The following ITFG1 variants were observed in gnomAD, a reference collection of about 807,000 sequenced individuals.
The protein encoded by ITFG1 is T-cell immunomodulatory protein.
Under a neutral mutation model 81.8 loss-of-function variants are expected in ITFG1, and 34 were observed. The ratio of observed to expected loss-of-function variants is 0.42; its 90% CI spans 0.32 to 0.55. The LOEUF (loss-of-function observed/expected upper bound fraction) is 0.55, where lower values mean the gene tolerates loss of function less well. ITFG1 is among the 20% of genes least tolerant of loss of function. ITFG1 has a pLI of 0.17. For synonymous variants in ITFG1, 285 were observed against 270.6 expected, an observed-to-expected ratio of 1.05 and a Z score of -0.52; for missense variants, 672 against 755.4, an observed-to-expected ratio of 0.89 and a Z score of 1.29.
intron 12 of ITFG1, among the ~76,000 whole-genome samples, chr16:47,252,090 A>AT (rs1966083300): frequency 6.6e-6 from 1 of 152,222 alleles, no homozygotes; most frequent in Non-Finnish European, 1.5e-5. Flanking sequence ...CCTAAGTACA[A>AT]TTTTTCTGAA....
At chr16:47,385,202 A>C (rs1596948495) in intron 6 of ITFG1, among the ~76,000 whole-genome samples, 1 of 152,344 alleles carries the variant, frequency 6.6e-6, no homozygotes, top group Middle Eastern at 3.4e-3. Context: ...AATAAGTTAA[A>C]ATCAAATAAT....
chr16:47,368,237 T>TAAC (rs1968203023), intron 7 of ITFG1, among the ~76,000 whole-genome samples: 1 of 78,008 alleles, frequency 1.3e-5, no homozygotes, highest in Non-Finnish European at 2.7e-5. Flanking sequence ...CCGTCTCAAT[T>TAAC]AAAAAAAAAA....
At chr16:47,280,787 AG>A (rs1386760346) in intron 10 of ITFG1, among the ~76,000 whole-genome samples, 2 of 152,148 alleles carry the variant, frequency 1.3e-5, no homozygotes, top group Admixed American at 6.6e-5. Context: ...GAGCAGCTTG[AG>A]TCCAACGACC....
At chr16:47,294,622 G>A (rs920994672) in intron 10 of ITFG1, among the ~76,000 whole-genome samples, 7 of 151,928 alleles carry the variant, frequency 4.6e-5, no homozygotes, top group African/African-American at 1.7e-4. Context: ...TTTGTAGTCA[G>A]TGTAAATGAA....
chr16:47,254,741 T>A (rs1013210948), intron 12 of ITFG1, among the ~76,000 whole-genome samples: 1 of 152,238 alleles, frequency 6.6e-6, no homozygotes, highest in Non-Finnish European at 1.5e-5. Context: ...TAGTACTTAA[T>A]GCGTAACATC....
At chr16:47,389,309 TTTC>T (rs1376279636) in intron 6 of ITFG1, among the ~76,000 whole-genome samples, 1 of 152,186 alleles carries the variant, frequency 6.6e-6, no homozygotes, top group Non-Finnish European at 1.5e-5. Context: ...TTCCTTCTCC[TTTC>T]TTAACTGATT....
At position 47,376,964 on chromosome 16, in the gene ITFG1, C is replaced by CAAAAAAAAAAAAAAAAAAAAAAA. The variant is rs1222007051; in HGVS notation, c.656-1047_656-1025dup. On this transcript the variant is annotated intron_variant, in intron 6 of 17. Transcript: ENST00000320640. ...GAGACAGAGGGAGACTCTGTCTCCC[C>CAAAAAAAAAAAAAAAAAAAAAAA]AAAAAAAAAAAAAAAAAAAAAAAAA... Among the ~76,000 whole-genome samples the CAAAAAAAAAAAAAAAAAAAAAAA allele has an allele frequency of 1.2e-3, 21 of 18,074 alleles. 8 individuals are homozygous for CAAAAAAAAAAAAAAAAAAAAAAA. Among genetic ancestry groups the CAAAAAAAAAAAAAAAAAAAAAAA allele is most frequent in the African/African-American group, 2.5e-3 (20 of 8,054 alleles). 11.9% of individuals were successfully genotyped at this position (18,074 alleles called of 152,430 possible). A position where few individuals can be genotyped will look rare whatever the true frequency, so the allele number is the denominator to read the frequency against.
At chr16:47,308,260 C>T (rs1343904517) in intron 10 of ITFG1, among the ~76,000 whole-genome samples, 2 of 152,198 alleles carry the variant, frequency 1.3e-5, no homozygotes, top group South Asian at 4.1e-4. Flanking sequence ...TTCCCACTAA[C>T]AGTGTATAAG....
chr16:47,311,747 T>C (rs191209341), intron 9 of ITFG1: 14 of 170,546 alleles, frequency 8.2e-5, no homozygotes, highest in East Asian at 6.7e-4. Flanking sequence ...CTGTGTCACA[T>C]AGAAACACTC....
chr16:47,183,857 C>T (rs1469102716), intron 14 of ITFG1, among the ~76,000 whole-genome samples: 1 of 152,038 alleles, frequency 6.6e-6, no homozygotes, highest in African/African-American at 2.4e-5. Flanking sequence ...GGAGGACATT[C>T]AAACCAAAGG....
chr16:47,232,514 A>G (rs1239733608), intron 13 of ITFG1, among the ~76,000 whole-genome samples: 2 of 152,332 alleles, frequency 1.3e-5, no homozygotes, highest in East Asian at 3.9e-4. Context: ...ATGATGGATT[A>G]GCCTTAAAAT....
intron 7 of ITFG1, among the ~76,000 whole-genome samples, chr16:47,370,388 C>T (rs1377646411): frequency 6.6e-6 from 1 of 152,184 alleles, no homozygotes; most frequent in African/African-American, 2.4e-5. Context: ...CATAAAAACC[C>T]CAGACCCAGC....
chr16:47,277,069 C>T lies in ITFG1; in HGVS notation c.1071-16374G>A, dbSNP rs550101671. 1.1e-3 allele frequency among the ~76,000 whole-genome samples: 160 copies of T among 152,188 alleles called. 1 individual carries two copies. Among genetic ancestry groups the T allele is most frequent in the Middle Eastern group, 6.8e-3 (2 of 294 alleles). On this transcript the variant is annotated intron_variant, in intron 10 of 17. Coordinates refer to ENST00000320640, the MANE Select transcript of ITFG1 (RefSeq NM_030790.5). The stretch of plus-strand genomic sequence containing the variant: ...TAGCTATAATTATCCCTATTCTCTC[C>T]CATTTTGTTTTGTCACATGAGAAGA...
At chr16:47,241,767 A>T (rs1170579683) in intron 12 of ITFG1, among the ~76,000 whole-genome samples, 1 of 152,068 alleles carries the variant, frequency 6.6e-6, no homozygotes, top group East Asian at 1.9e-4. Flanking sequence ...CATCCTGGCT[A>T]ACACAGTGAA....
chr16:47,235,948 G>A (rs952769220), intron 13 of ITFG1, among the ~76,000 whole-genome samples: 2 of 152,180 alleles, frequency 1.3e-5, no homozygotes, highest in Non-Finnish European at 2.9e-5. Flanking sequence ...ATGATATGGT[G>A]AAGGGCAGCT....
At chr16:47,248,566 A>G (rs1275573626) in intron 12 of ITFG1, among the ~76,000 whole-genome samples, 1 of 152,232 alleles carries the variant, frequency 6.6e-6, no homozygotes, top group Non-Finnish European at 1.5e-5. Flanking sequence ...CTTATGAACA[A>G]GTAAAAATTA....
At chr16:47,359,928 T>G (rs1342830255) in intron 8 of ITFG1, among the ~76,000 whole-genome samples, 1 of 152,196 alleles carries the variant, frequency 6.6e-6, no homozygotes, top group Non-Finnish European at 1.5e-5. Context: ...CTTTCTTCCC[T>G]CAATAGAATT....
intron 8 of ITFG1, among the ~76,000 whole-genome samples, chr16:47,333,988 T>C (rs1228217508): frequency 6.6e-6 from 1 of 152,216 alleles, no homozygotes; most frequent in Non-Finnish European, 1.5e-5. Flanking sequence ...TGGCACACCA[T>C]TTACCATATT....
intron 7 of ITFG1, among the ~76,000 whole-genome samples, chr16:47,369,830 CCT>C (rs1968226410): frequency 7.8e-6 from 1 of 128,928 alleles, no homozygotes; most frequent in Non-Finnish European, 1.6e-5. Context: ...TATTCAATAT[CCT>C]CTTTTTTTTT....
Sources: gnomAD v4.1 joint callset for allele counts (sites outside exome capture counted in the v4.1 genomes callset) on GRCh38, gnomAD v4.1.1 for gene constraint, MANE v1.5 for transcripts, NCBI Gene and HGNC (gene_info 2026-07-23, HGNC 2026-07-21) for gene names.